The following ROCK2 variants were observed in gnomAD, a reference collection of about 807,000 sequenced individuals.
The protein encoded by ROCK2 is rho-associated protein kinase 2.
ROCK2 carries 61 observed loss-of-function variants against 195.1 expected under a neutral mutation model. That is an observed-to-expected ratio of 0.31 (90% CI 0.25 to 0.39). ROCK2 has a LOEUF of 0.39. Among genes scored for constraint, ROCK2 ranks in the 10% least tolerant of loss-of-function variants. ROCK2 has a pLI of 1.00. For synonymous variants in ROCK2, 504 were observed against 545.5 expected (o/e 0.92, Z 1.06); for missense variants, 1,109 against 1,637.4 (o/e 0.68, Z 5.57).
chr2:11,339,846 T>A (rs569224331), intron 1 of ROCK2, among the ~76,000 whole-genome samples: 1 of 152,162 alleles, frequency 6.6e-6, no homozygotes. Flanking sequence ...GAAGACTGAA[T>A]CCAGCAGCGG....
At position 11,334,926 on chromosome 2, in the gene ROCK2, A is replaced by G. The variant is rs191387973; in HGVS notation, c.141+9070T>C. Among the ~76,000 whole-genome samples the G allele has an allele frequency of 1.5e-3, 229 of 151,946 alleles. 2 individuals are homozygous for G. The highest frequency in any genetic ancestry group is 5.2e-3 in the African/African-American group (215 of 41,564). On this transcript the variant is annotated intron_variant, in intron 1 of 32. Coordinates refer to ENST00000315872, the MANE Select transcript of ROCK2 (RefSeq NM_004850.5). The stretch of plus-strand genomic sequence containing the variant: ...GAATAAAGGAATTCAGACATTGAAT[A>G]TAAGTGGTCAATCACCTATGACAAA...
At chr2:11,294,531 T>C (rs1667454699) in intron 1 of ROCK2, among the ~76,000 whole-genome samples, 1 of 152,178 alleles carries the variant, frequency 6.6e-6, no homozygotes. Flanking sequence ...CTTAAACCAT[T>C]TCCCAGAACT....
rs558027571 is a variant in ROCK2 at position 11,255,970 on chromosome 2, G to A, written c.325-6172C>T. On this transcript the variant is annotated intron_variant, in intron 3 of 32. Coordinates refer to ENST00000315872, the MANE Select transcript of ROCK2 (RefSeq NM_004850.5). The stretch of plus-strand genomic sequence containing the variant: ...AAAAAAAAAAGGAAACTATATGGAA[G>A]TCAGTGAACTTCAACACAAATCAAT... 2.2e-5 allele frequency among the ~76,000 whole-genome samples: 3 copies of A among 135,928 alleles called. No homozygotes were observed. The South Asian group carries it at 7.1e-4, about 32-fold the overall frequency. 89.2% of individuals were successfully genotyped at this position (135,928 alleles called of 152,430 possible). A position where few individuals can be genotyped will look rare whatever the true frequency, so the allele number is the denominator to read the frequency against.
At chr2:11,217,439 G>C in intron 11 of ROCK2, 1 of 475,838 alleles carries the variant, frequency 2.1e-6, no homozygotes, top group Non-Finnish European at 3.9e-6. Context: ...ATTGTTCTAT[G>C]ACACAAAGTT....
At chr2:11,236,709 A>G (rs1394714175) in intron 4 of ROCK2, among the ~76,000 whole-genome samples, 1 of 152,222 alleles carries the variant, frequency 6.6e-6, no homozygotes, top group African/African-American at 2.4e-5. Context: ...TGCAAACACA[A>G]GTCTTCCACA....
At chr2:11,284,976 T>C (rs1667133539) in intron 3 of ROCK2, among the ~76,000 whole-genome samples, 3 of 152,112 alleles carry the variant, frequency 2.0e-5, no homozygotes, top group Non-Finnish European at 4.4e-5. Context: ...AAATGTTTAA[T>C]AGGAGGCTGG....
At chr2:11,185,056 C>T (rs1386963904) in intron 32 of ROCK2, among the ~76,000 whole-genome samples, 4 of 152,156 alleles carry the variant, frequency 2.6e-5, no homozygotes, top group Non-Finnish European at 4.4e-5. Flanking sequence ...CTCCCATACC[C>T]CAGATAAACA....
At position 11,235,591 on chromosome 2, in the gene ROCK2, G is replaced by T; in HGVS notation, c.723+111C>A. 1 of 1,151,526 alleles carries T rather than the reference G, an allele frequency of 8.7e-7. No individual in the cohort carries two copies. Among genetic ancestry groups the T allele is most frequent in the Non-Finnish European group, 1.2e-6 (1 of 810,368 alleles). 71.3% of individuals were successfully genotyped at this position (1,151,526 alleles called of 1,614,324 possible). A position where few individuals can be genotyped will look rare whatever the true frequency, so the allele number is the denominator to read the frequency against. ...TTATATCTTGTTTGGGTGCTATACA[G>T]TTATGAAAACTAAATTTACCTTTGT... On this transcript the variant is annotated intron_variant, in intron 5 of 32. Transcript: ENST00000315872. This position sits in a 1 kb window ranked among gnomAD's most constrained non-coding sequence, Gnocchi z 4.2.
At chr2:11,249,262 G>A (rs1665742631) in intron 4 of ROCK2, among the ~76,000 whole-genome samples, 1 of 152,050 alleles carries the variant, frequency 6.6e-6, no homozygotes, top group South Asian at 2.1e-4. Context: ...CAACGTGCAG[G>A]TCTGTTACAT....
At chr2:11,345,049 G>T (rs921344376), upstream of ROCK2, among the ~76,000 whole-genome samples, 1 of 151,844 alleles carries the variant, frequency 6.6e-6, no homozygotes, top group Non-Finnish European at 1.5e-5. Context: ...CGCGGCCCCC[G>T]CTGACTCAGC....
Position 11,192,690 on chromosome 2 carries a change from T to G in ROCK2, c.3710A>C (p.Glu1237Ala). Reference sequence around the variant, plus strand: ...TGGAAATTCTTGTTCCTTCTTACTTTCTCCTTCATTGGCATACAGAATCTA... The same window carrying G: ...TGGAAATTCTTGTTCCTTCTTACTTGCTCCTTCATTGGCATACAGAATCTA... ...IFQILYANEG[E>A]SKKEQEFPVE... The change falls in exon 31 of 33, where the codon GAA (glutamate) becomes GCA (alanine). Residue 1237 changes from glutamate to alanine, a missense_variant. By Grantham distance (107) the Glu-to-Ala change is moderately radical. This residue lies in a region of ROCK2 where 221 missense variants were observed against 355.1 expected (regional missense o/e 0.62). Coordinates refer to ENST00000315872, the MANE Select transcript of ROCK2 (RefSeq NM_004850.5). The surrounding 1 kb of genome is among the most constrained non-coding windows in gnomAD (Gnocchi z 5.0). 1 of 1,613,132 alleles carries G rather than the reference T, an allele frequency of 6.2e-7. No individual in the cohort carries two copies.
At chr2:11,241,473 A>C (rs974208314) in intron 4 of ROCK2, among the ~76,000 whole-genome samples, 3 of 152,150 alleles carry the variant, frequency 2.0e-5, no homozygotes, top group Non-Finnish European at 4.4e-5. Flanking sequence ...AAGTTTGATG[A>C]ACTCTATAAA....
chr2:11,241,357 G>A (rs550086072), intron 4 of ROCK2, among the ~76,000 whole-genome samples: 1 of 152,258 alleles, frequency 6.6e-6, no homozygotes, highest in Admixed American at 6.5e-5. Flanking sequence ...ACAACATCAA[G>A]CAGATTACAC....
rs1663054902 is a variant in ROCK2 at position 11,182,805 on chromosome 2, C to G, written c.*632G>C. The G allele has an allele frequency of 6.6e-6, 1 of 152,532 alleles. No homozygotes were observed. The highest frequency in any genetic ancestry group is 1.5e-5 in the Non-Finnish European group (1 of 68,010). 9.4% of individuals were successfully genotyped at this position (152,532 alleles called of 1,614,324 possible). ...TTAAACATGAACATGCAACTTCCAT[C>G]AGGTACACAGGAATGAGTGATATAA... is the stretch of plus-strand genomic sequence containing the variant. On this transcript the variant is annotated 3_prime_UTR_variant, in exon 33 of 33. Coordinates refer to ENST00000315872, the MANE Select transcript of ROCK2 (RefSeq NM_004850.5).
chr2:11,284,892 C>T (rs1400622306), intron 3 of ROCK2, among the ~76,000 whole-genome samples: 1 of 152,162 alleles, frequency 6.6e-6, no homozygotes, highest in African/African-American at 2.4e-5. Context: ...CTAAAATCAT[C>T]CTCATTATAC....
intron 1 of ROCK2, chr2:11,308,908 T>C (rs1667947345): frequency 1.9e-6 from 3 of 1,612,026 alleles, no homozygotes; most frequent in African/African-American, 1.3e-5. Context: ...AACCACTTTA[T>C]CTTCATCTAC....
chr2:11,283,970 G>A (rs1667104252), intron 3 of ROCK2, among the ~76,000 whole-genome samples: 1 of 152,224 alleles, frequency 6.6e-6, no homozygotes, highest in South Asian at 2.1e-4. Flanking sequence ...GATGTCTATA[G>A]TGCTTTACTC....
intron 1 of ROCK2, chr2:11,309,074 C>T (rs1336659101): frequency 3.0e-6 from 4 of 1,316,884 alleles, no homozygotes; most frequent in Non-Finnish European, 4.1e-6. Flanking sequence ...GGAGGGAGTC[C>T]AATGCAAAGC....
At chr2:11,303,191 G>A (rs1045780704) in intron 1 of ROCK2, among the ~76,000 whole-genome samples, 9 of 152,126 alleles carry the variant, frequency 5.9e-5, no homozygotes, top group Admixed American at 1.3e-4. Context: ...GATCCTCCAG[G>A]ATAAAAATCT....
Sources: gnomAD v4.1 joint callset for allele counts (sites outside exome capture counted in the v4.1 genomes callset) on GRCh38, gnomAD v4.1.1 for gene constraint, gnomAD v4.1.1 regional missense constraint, Gnocchi (gnomAD v3.1) non-coding constraint, MANE v1.5 for transcripts, NCBI Gene and HGNC (gene_info 2026-07-23, HGNC 2026-07-21) for gene names.